PLOD1: variants seen among roughly 807,000 people sequenced by gnomAD.
PLOD1 encodes lysine hydroxylase.
A neutral mutation model predicts 94.7 loss-of-function variants in PLOD1; 70 were observed. The ratio of observed to expected loss-of-function variants is 0.74; its 90% confidence interval spans 0.61 to 0.90. PLOD1 has a LOEUF of 0.90. Among genes scored for constraint, PLOD1 ranks in the 40% least tolerant of loss-of-function variants. The pLI is 0.00. For synonymous variants in PLOD1, 417 were observed against 400.2 expected (o/e 1.04, Z -0.50); for missense variants, 905 against 972.7 (o/e 0.93, Z 0.93).
intron 1 of PLOD1, among the ~76,000 whole-genome samples, chr1:11,937,380 C>T (rs576427584): frequency 6.6e-6 from 1 of 152,314 alleles, no homozygotes; most frequent in East Asian, 1.9e-4. Flanking sequence ...AGGGCATTTT[C>T]TCTCCCAGTC....
chr1:11,966,294 T>C lies in PLOD1; in HGVS notation c.1628T>C (p.Leu543Pro), dbSNP rs1244669945. ...ATCCACCAGAACTACACCAAAGCCCTGGCAGGGAAGCTGGTGGAGACGGTA... is the reference window on the plus strand; with the variant it reads ...ATCCACCAGAACTACACCAAAGCCCCGGCAGGGAAGCTGGTGGAGACGGTA... Reference protein sequence around the residue: ...KYIHQNYTKALAGKLVETPCP... With the variant: ...KYIHQNYTKAPAGKLVETPCP... The change falls in exon 15 of 19, where the codon CTG (leucine) becomes CCG (proline). Residue 543 changes from leucine to proline, a missense_variant. Coordinates refer to ENST00000196061, the MANE Select transcript of PLOD1 (RefSeq NM_000302.4). The C allele has an allele frequency of 6.2e-7, 1 of 1,607,742 alleles. No individual in the cohort carries two copies. Among genetic ancestry groups the C allele is most frequent in the Non-Finnish European group, 8.5e-7 (1 of 1,177,178 alleles).
At chr1:11,973,550 T>C (rs1368382833) in intron 18 of PLOD1, among the ~76,000 whole-genome samples, 1 of 151,932 alleles carries the variant, frequency 6.6e-6, no homozygotes, top group Non-Finnish European at 1.5e-5. Flanking sequence ...CTGGGTGCTG[T>C]GGAGAACACT....
At chr1:11,948,149 G>A (rs560813123) in intron 2 of PLOD1, 82 bp downstream of exon 2, 30 of 963,856 alleles carry the variant, frequency 3.1e-5, no homozygotes, top group African/African-American at 4.8e-5. Context: ...AAACTACCAC[G>A]TCTCTTAAGA....
At position 11,957,792 on chromosome 1, in the gene PLOD1, T is replaced by C. The variant is rs1645749040; in HGVS notation, c.742-50T>C. 3 of 1,260,920 alleles carry C rather than the reference T, an allele frequency of 2.4e-6. 1 individual carries two copies. The East Asian group carries it at 6.9e-5, about 29-fold the overall frequency. The allele number at this position is 1,260,920 out of a possible 1,614,324, so 78.1% of individuals were successfully genotyped here. A position where few individuals can be genotyped will look rare whatever the true frequency, so the allele number is the denominator to read the frequency against. On this transcript the variant is annotated intron_variant, in intron 7 of 18. Transcript: ENST00000196061. The surrounding 1 kb of genome is among the most constrained non-coding windows in gnomAD (Gnocchi z 4.1). ...CCCAGGGAGATGTGAGTCAGGGCTA[T>C]GGCAGGTGGGGCTGGCTGGCTTCTC...
Position 11,954,484 on chromosome 1 carries a change from C to G in PLOD1, c.580-346C>G, listed in dbSNP as rs993176231. The G allele has an allele frequency of 2.4e-5, 13 of 546,996 alleles. No individual in the cohort carries two copies. In the African/African-American group the frequency reaches 2.5e-4, roughly 10 times the overall value. 33.9% of individuals were successfully genotyped at this position (546,996 alleles called of 1,614,324 possible). A position where few individuals can be genotyped will look rare whatever the true frequency, so the allele number is the denominator to read the frequency against. On this transcript the variant is annotated intron_variant, in intron 5 of 18. Transcript: ENST00000196061. Reference sequence around the variant, plus strand: ...CTGGGTGACAAGAGCGAAACTCTTTCTCAAAAAAAAGAATATTTGGAGTAG... The same window carrying G: ...CTGGGTGACAAGAGCGAAACTCTTTGTCAAAAAAAAGAATATTTGGAGTAG...
At chr1:11,965,219 C>T (rs1356045830) in intron 13 of PLOD1, among the ~76,000 whole-genome samples, 2 of 151,338 alleles carry the variant, frequency 1.3e-5, no homozygotes, top group African/African-American at 4.9e-5. Context: ...AGGACCAGAA[C>T]ACGCTCCTTT....
At chr1:11,964,838 G>A (rs1569723109) in intron 13 of PLOD1, 53 bp downstream of exon 13, 2 of 1,597,068 alleles carry the variant, frequency 1.3e-6, no homozygotes, top group Non-Finnish European at 1.7e-6. Flanking sequence ...CAGGCGGGAA[G>A]GTGGGCCTCC....
rs765728620 is a variant in PLOD1 at position 11,957,053 on chromosome 1, C to G, written c.741+39C>G. On this transcript the variant is annotated intron_variant, in intron 7 of 18. Transcript: ENST00000196061. This position sits in a 1 kb window ranked among gnomAD's most constrained non-coding sequence, Gnocchi z 4.1. ...AGCCCCTGGGGAGTGTGGGAGGGGG[C>G]CAGAGCCCTAATTTCATTCTCACTG... 15 of 1,307,962 alleles carry G rather than the reference C, an allele frequency of 1.1e-5. No homozygotes were observed. The highest frequency in any genetic ancestry group is 1.7e-5 in the Non-Finnish European group (15 of 900,488). 81.0% of individuals were successfully genotyped at this position (1,307,962 alleles called of 1,614,324 possible). A position where few individuals can be genotyped will look rare whatever the true frequency, so the allele number is the denominator to read the frequency against.
rs550854586 is a variant in PLOD1, at chr1:11,958,674, G to A, written c.975+27G>A. 56 of 1,613,518 alleles carry A rather than the reference G, an allele frequency of 3.5e-5. No homozygotes were observed. The highest frequency in any genetic ancestry group is 8.9e-5 in the East Asian group (4 of 44,882). On this transcript the variant is annotated intron_variant, in intron 9 of 18. Transcript: ENST00000196061. This position sits in a 1 kb window ranked among gnomAD's most constrained non-coding sequence, Gnocchi z 4.3. ...TGAGTAACAGGCGCTCTGTGGGGTCGTCATGTGGCTTAGATCCAGGGCCCA... is the reference window on the plus strand; with the variant it reads ...TGAGTAACAGGCGCTCTGTGGGGTCATCATGTGGCTTAGATCCAGGGCCCA...
intron 16 of PLOD1, among the ~76,000 whole-genome samples, chr1:11,968,339 A>G (rs1645836220): frequency 6.6e-6 from 1 of 152,084 alleles, no homozygotes; most frequent in Non-Finnish European, 1.5e-5. Context: ...AAAGAGCACA[A>G]TCTTGAATAA....
At chr1:11,947,590 G>T (rs1645665496) in intron 1 of PLOD1, among the ~76,000 whole-genome samples, 1 of 152,044 alleles carries the variant, frequency 6.6e-6, no homozygotes, top group Non-Finnish European at 1.5e-5. Flanking sequence ...AAACCAACCA[G>T]CTCTCACATG....
Position 11,958,485 on chromosome 1 carries a change from C to T in PLOD1, c.844-31C>T, listed in dbSNP as rs1357395202. On this transcript the variant is annotated intron_variant, in intron 8 of 18. Coordinates refer to ENST00000196061, the MANE Select transcript of PLOD1 (RefSeq NM_000302.4). The surrounding 1 kb of genome is among the most constrained non-coding windows in gnomAD (Gnocchi z 4.3). ...GTGGCAGTGCTGTGACTGGACACTG[C>T]TGGACTCTTGTGCCGCCCTCCCTGG... 1.9e-6 allele frequency: 3 copies of T among 1,611,962 alleles called. No homozygotes were observed. Among genetic ancestry groups the T allele is most frequent in the Non-Finnish European group, 2.5e-6 (3 of 1,179,410 alleles).
chr1:11,958,560 G>A lies in PLOD1; in HGVS notation c.888G>A (p.Gln296=). Residue 296 remains glutamine, a synonymous_variant, in exon 9 of 19, where the codon CAG becomes CAA. Coordinates refer to ENST00000196061, the MANE Select transcript of PLOD1 (RefSeq NM_000302.4). The surrounding 1 kb of genome is among the most constrained non-coding windows in gnomAD (Gnocchi z 4.3). The part of the protein sequence containing the change: ...PTVLVGVFIE[Q]PTPFVSLFFQ... ...TCCTGGTCGGCGTGTTCATCGAACA[G>A]CCCACGCCGTTTGTGTCCCTGTTCT... The A allele has an allele frequency of 6.2e-7, 1 of 1,613,952 alleles. No homozygotes were observed. The highest frequency in any genetic ancestry group is 8.5e-7 in the Non-Finnish European group (1 of 1,179,958).
In PLOD1 at chr1:11,950,345, C is replaced by G. The variant is rs888774809; in HGVS notation, c.303-12C>G. 1 of 1,613,794 alleles carries G rather than the reference C, an allele frequency of 6.2e-7. No individual in the cohort carries two copies. Among genetic ancestry groups the G allele is most frequent in the African/African-American group, 1.3e-5 (1 of 74,940 alleles). ...CTTGCCCTGCTCCGTCTTCTCGCTG[C>G]TCTGGCCACAGCTATGACGTGCTGT... On this transcript the variant is annotated splice_polypyrimidine_tract_variant and intron_variant, in intron 3 of 18. Transcript: ENST00000196061.
At chr1:11,944,422 T>TACACACACCC (rs1553133066) in intron 1 of PLOD1, 2 of 475,660 alleles carry the variant, frequency 4.2e-6, no homozygotes, top group Non-Finnish European at 7.2e-6. Context: ...CATGCACGCG[T>TACACACACCC]ACACACACAC....
intron 1 of PLOD1, among the ~76,000 whole-genome samples, chr1:11,939,332 G>A (rs896161428): frequency 1.3e-5 from 2 of 152,056 alleles, no homozygotes; most frequent in Non-Finnish European, 2.9e-5. Flanking sequence ...CCTGGCTTCA[G>A]TTCAAGCCTG....
chr1:11,947,823 C>A (rs534221996), intron 1 of PLOD1, among the ~76,000 whole-genome samples, 153 bp from the exon 2 acceptor site: 2 of 152,312 alleles, frequency 1.3e-5, no homozygotes, highest in South Asian at 4.1e-4. Flanking sequence ...ATTTCCTGCT[C>A]TATCATCCTT....
chr1:11,948,639 A>T (rs1291530335), intron 2 of PLOD1, among the ~76,000 whole-genome samples: 2 of 152,072 alleles, frequency 1.3e-5, no homozygotes, highest in African/African-American at 2.4e-5. Context: ...CTGAGGCGGG[A>T]GAATCACTTG....
At chr1:11,948,142 C>A in intron 2 of PLOD1, 75 bp downstream of exon 2, 1 of 996,766 alleles carries the variant, frequency 1.0e-6, no homozygotes, top group Non-Finnish European at 1.6e-6. Context: ...CCTTTCCAAA[C>A]TACCACGTCT....
Sources: allele counts gnomAD v4.1 joint callset (sites outside exome capture counted in the v4.1 genomes callset), GRCh38; gene constraint gnomAD v4.1.1; non-coding constraint Gnocchi (gnomAD v3.1); transcripts MANE v1.5; gene names NCBI Gene and HGNC (gene_info 2026-07-23, HGNC 2026-07-21).